AXDND1: variants seen among roughly 807,000 people sequenced by gnomAD.
The protein encoded by AXDND1 is axonemal dynein light chain domain containing 1.
A neutral mutation model predicts 137.5 loss-of-function variants in AXDND1; 110 were observed. The observed-to-expected ratio is 0.80, with a 90% CI of 0.69 to 0.94. AXDND1 has a LOEUF of 0.94. Ranked by LOEUF, AXDND1 falls within the 40% of genes least tolerant of loss-of-function variation. The pLI, the probability that AXDND1 is intolerant of heterozygous loss-of-function variation, is 0.00. For synonymous variants in AXDND1, 414 were observed against 399.7 expected (o/e 1.04, Z -0.43); for missense variants, 1,191 against 1,169.8 (o/e 1.02, Z -0.26).
At chr1:179,468,385 A>G (rs1571968015) in intron 16 of AXDND1, 58 bp from the exon 17 acceptor site, 1 of 1,203,064 alleles carries the variant, frequency 8.3e-7, no homozygotes, top group Non-Finnish European at 1.2e-6. Context: ...ATAATTTGGT[A>G]TTAAAATAGT....
intron 18 of AXDND1, among the ~76,000 whole-genome samples, chr1:179,486,188 G>C (rs1051452233): frequency 8.3e-5 from 12 of 144,632 alleles, no homozygotes; most frequent in Non-Finnish European, 1.7e-4. Flanking sequence ...TAATGCAATT[G>C]CAAGTATTAA....
At chr1:179,488,708 GTCTCTCTCTCTCTTTCTT>G (rs71114526) in intron 18 of AXDND1, among the ~76,000 whole-genome samples, 21,498 of 94,668 alleles carry the variant, frequency 0.23, 3,128 homozygotes, top group Middle Eastern at 0.27. Context: ...TCCTCTCTCT[GTCTCTCTCTCTCTTTCTT>G]TCTCTCTCTC....
At chr1:179,398,494 A>T (rs558767436) in intron 11 of AXDND1, among the ~76,000 whole-genome samples, 1 of 152,126 alleles carries the variant, frequency 6.6e-6, no homozygotes, top group Non-Finnish European at 1.5e-5. Flanking sequence ...AGTAGTGGCA[A>T]TGTTGTGGGG....
intron 25 of AXDND1, among the ~76,000 whole-genome samples, chr1:179,542,993 A>G (rs1172190736): frequency 6.6e-6 from 1 of 152,214 alleles, no homozygotes; most frequent in Non-Finnish European, 1.5e-5. Flanking sequence ...GAAAATCCAT[A>G]GGTTAAATCC....
At chr1:179,383,159 T>C (rs1027745991) in intron 7 of AXDND1, among the ~76,000 whole-genome samples, 1 of 152,136 alleles carries the variant, frequency 6.6e-6, no homozygotes, top group Non-Finnish European at 1.5e-5. Context: ...TTTCTTTTTC[T>C]ATGTTCTTAC....
intron 15 of AXDND1, among the ~76,000 whole-genome samples, chr1:179,432,759 C>T (rs1170779591): frequency 6.6e-6 from 1 of 151,990 alleles, no homozygotes; most frequent in Non-Finnish European, 1.5e-5. Flanking sequence ...ATATTAGGGG[C>T]CGGGCACGGT....
chr1:179,478,279 T>A (rs1664878529), intron 17 of AXDND1, among the ~76,000 whole-genome samples: 1 of 152,234 alleles, frequency 6.6e-6, no homozygotes, highest in Admixed American at 6.5e-5. Flanking sequence ...CACCTCACAT[T>A]TCCCTTCTGC....
intron 18 of AXDND1, among the ~76,000 whole-genome samples, chr1:179,490,762 G>GTTTT (rs34944088): frequency 1.1e-3 from 157 of 146,682 alleles, no homozygotes; most frequent in African/African-American, 2.4e-3. Flanking sequence ...CACAGTACTT[G>GTTTT]TTTTTTTTTT....
chr1:179,393,911 A>G lies in AXDND1; in HGVS notation c.872A>G (p.Tyr291Cys), dbSNP rs1470194782. Residue 291 changes from tyrosine (Y) to cysteine (C), a missense_variant, in exon 10 of 26, where the codon TAT becomes TGT. Coordinates refer to ENST00000367618, the MANE Select transcript of AXDND1 (RefSeq NM_144696.6). Reference protein sequence around the residue: ...GELLSKVRERYVQMLDQIARQ... With the variant: ...GELLSKVRERCVQMLDQIARQ... ...GGTTGTTTGTCATGCAGAGAGAGGT[A>G]TGTGCAAATGCTTGACCAGATTGCT... The G allele has an allele frequency of 6.2e-7, 1 of 1,600,318 alleles. No individual in the cohort carries two copies. Among genetic ancestry groups the G allele is most frequent in the East Asian group, 2.3e-5 (1 of 44,292 alleles).
rs771141813 is a variant in AXDND1 at position 179,429,488 on chromosome 1, G to A, written c.1231-30G>A. The A allele has an allele frequency of 6.7e-6, 8 of 1,201,754 alleles. No individual in the cohort carries two copies. In the Admixed American group the frequency reaches 1.4e-4, roughly 21 times the overall value. The allele number at this position is 1,201,754 out of a possible 1,614,324, so 74.4% of individuals were successfully genotyped here. ...TTATAGTGGTTTGCTAATGTTTTAGGTTCCTGATTATAGTACATTATTTTT... is the reference window on the plus strand; with the variant it reads ...TTATAGTGGTTTGCTAATGTTTTAGATTCCTGATTATAGTACATTATTTTT... On this transcript the variant is annotated intron_variant, in intron 12 of 25. Coordinates refer to ENST00000367618, the MANE Select transcript of AXDND1 (RefSeq NM_144696.6).
chr1:179,528,303 G>A, intron 22 of AXDND1, 24 bp from the exon 23 acceptor site: 1 of 1,567,264 alleles, frequency 6.4e-7, no homozygotes, highest in South Asian at 1.1e-5. Context: ...CTTGCTAACA[G>A]GTCCGCATGT....
chr1:179,486,119 C>CG (rs1666013734), intron 18 of AXDND1, among the ~76,000 whole-genome samples: 1 of 22,646 alleles, frequency 4.4e-5, no homozygotes, highest in Non-Finnish European at 9.6e-5. Flanking sequence ...AACTCTGTCT[C>CG]AAAAAAAAAA....
intron 11 of AXDND1, among the ~76,000 whole-genome samples, chr1:179,408,452 C>G (rs146835437): frequency 1.1e-4 from 16 of 152,070 alleles, no homozygotes; most frequent in African/African-American, 3.9e-4. Flanking sequence ...TTTCGGCTCA[C>G]TTCAACCACT....
chr1:179,532,976 G>GTA (rs911874238), intron 23 of AXDND1: 1 of 152,016 alleles, frequency 6.6e-6, no homozygotes, highest in African/African-American at 2.4e-5. Flanking sequence ...TTAGAAAAAG[G>GTA]TATAGTGGTA....
intron 25 of AXDND1, chr1:179,544,625 G>C (rs962246792): frequency 4.4e-5 from 6 of 135,190 alleles, no homozygotes; most frequent in Admixed American, 3.4e-4. Context: ...AGTGAGCTCA[G>C]ATCGCGCCAC....
At chr1:179,551,103 G>T in intron 25 of AXDND1, 1 of 1,592,762 alleles carries the variant, frequency 6.3e-7, no homozygotes, top group Non-Finnish European at 8.6e-7. Context: ...AATGAGGACA[G>T]AGTGTCTCCC....
chr1:179,368,329 AGCCTTTCCACTCTATAAAT>A (rs1257825089), intron 2 of AXDND1, among the ~76,000 whole-genome samples: 1 of 152,134 alleles, frequency 6.6e-6, no homozygotes, highest in Admixed American at 6.5e-5. Flanking sequence ...CCCAACCCAG[AGCCTTTCCACTCTATAAAT>A]GCCTCGATTT....
intron 14 of AXDND1, 23 bp from the exon 15 acceptor site, chr1:179,432,244 C>CTTT: frequency 7.6e-7 from 1 of 1,321,524 alleles, no homozygotes; most frequent in South Asian, 1.5e-5. Context: ...AGATGTTTCT[C>CTTT]TTTTTTTTTT....
At chr1:179,486,196 T>A (rs1666057009) in intron 18 of AXDND1, among the ~76,000 whole-genome samples, 1 of 149,294 alleles carries the variant, frequency 6.7e-6, no homozygotes, top group South Asian at 2.1e-4. Flanking sequence ...TTGCAAGTAT[T>A]AACAGCAGAA....
Sources: gnomAD v4.1 joint callset for allele counts (sites outside exome capture counted in the v4.1 genomes callset) on GRCh38, gnomAD v4.1.1 for gene constraint, MANE v1.5 for transcripts, NCBI Gene and HGNC (gene_info 2026-07-23, HGNC 2026-07-21) for gene names.